Variants in TBC1D19 observed in about 807,000 individuals in gnomAD.
The protein encoded by TBC1D19 is TBC1 domain family, member 19.
A neutral mutation model predicts 89.0 loss-of-function variants in TBC1D19; 60 were observed. The observed-to-expected ratio is 0.67, with a 90% confidence interval of 0.55 to 0.84. The LOEUF is 0.84. TBC1D19 is among the 40% of genes least tolerant of loss of function. The pLI is 0.00. For missense variants in TBC1D19, 500 were observed against 610.8 expected, an observed-to-expected ratio of 0.82 and a Z score of 1.91; for synonymous variants, 189 against 199.7, an observed-to-expected ratio of 0.95 and a Z score of 0.45.
chr4:26,849,984 G>C, the TBC1D19 span, among the ~76,000 whole-genome samples: 1 of 152,034 alleles, frequency 6.6e-6, no homozygotes, highest in African/African-American at 2.4e-5. Flanking sequence ...CATTTGATTG[G>C]CTGCTATATG....
At chr4:26,721,192 C>T (rs1238796824) in intron 15 of TBC1D19, among the ~76,000 whole-genome samples, 1 of 152,012 alleles carries the variant, frequency 6.6e-6, no homozygotes, top group Non-Finnish European at 1.5e-5. Flanking sequence ...GTTCGTACCT[C>T]TCCCATAACT....
intron 18 of TBC1D19, among the ~76,000 whole-genome samples, chr4:26,745,821 C>G (rs527669415): frequency 6.6e-6 from 1 of 151,864 alleles, no homozygotes; most frequent in Non-Finnish European, 1.5e-5. Context: ...CAATATACTT[C>G]TTTAATTAAT....
chr4:26,809,831 C>T, the TBC1D19 span, among the ~76,000 whole-genome samples: 1 of 152,218 alleles, frequency 6.6e-6, no homozygotes, highest in Non-Finnish European at 1.5e-5. Context: ...TCCATTACCC[C>T]CTTGAGCATG....
At chr4:26,724,725 T>A (rs1232347442) in intron 15 of TBC1D19, among the ~76,000 whole-genome samples, 1 of 152,194 alleles carries the variant, frequency 6.6e-6, no homozygotes, top group Non-Finnish European at 1.5e-5. Flanking sequence ...AGCCTTCACT[T>A]CCTGCTTGCA....
At chr4:26,638,057 G>A (rs1171804344) in intron 5 of TBC1D19, among the ~76,000 whole-genome samples, 1 of 152,120 alleles carries the variant, frequency 6.6e-6, no homozygotes, top group Non-Finnish European at 1.5e-5. Flanking sequence ...TGTAGAACTG[G>A]AATTCTATTT....
chr4:26,583,859 C>T (rs548806140), upstream of TBC1D19: 1 of 305,604 alleles, frequency 3.3e-6, no homozygotes, highest in African/African-American at 2.2e-5. Context: ...CACAATTCTC[C>T]GTGTCCCCCT....
chr4:26,620,521 G>T, intron 3 of TBC1D19, 92 bp from the exon 4 acceptor site: 1 of 1,029,204 alleles, frequency 9.7e-7, no homozygotes, highest in East Asian at 2.4e-5. Context: ...AAATGTTACT[G>T]GGAAAACAGT....
At chr4:26,808,741 A>AAAAAAG in the TBC1D19 span, among the ~76,000 whole-genome samples, 2 of 150,388 alleles carry the variant, frequency 1.3e-5, no homozygotes, top group African/African-American at 2.4e-5. Flanking sequence ...AAAAAAAAAA[A>AAAAAAG]AAAAAGAAAA....
At chr4:26,802,108 G>T in the TBC1D19 span, among the ~76,000 whole-genome samples, 1 of 151,992 alleles carries the variant, frequency 6.6e-6, no homozygotes, top group Non-Finnish European at 1.5e-5. Flanking sequence ...AGGAACAAAA[G>T]CTTCAAAACC....
At chr4:26,618,629 A>G (rs901774134) in intron 3 of TBC1D19, among the ~76,000 whole-genome samples, 2 of 152,182 alleles carry the variant, frequency 1.3e-5, no homozygotes, top group African/African-American at 4.8e-5. Context: ...TCAAATTTGC[A>G]TTTTATTCAT....
chr4:26,742,641 C>G, intron 18 of TBC1D19, 42 bp downstream of exon 18: 1 of 1,547,586 alleles, frequency 6.5e-7, no homozygotes, highest in East Asian at 2.3e-5. Flanking sequence ...GATAGTTTCA[C>G]AGAAAGCTCT....
intron 1 of TBC1D19, among the ~76,000 whole-genome samples, chr4:26,589,586 C>A (rs1299394848): frequency 6.6e-6 from 1 of 152,172 alleles, no homozygotes; most frequent in Admixed American, 6.5e-5. Context: ...GTTCCATCCC[C>A]TTATCCCTTT....
the TBC1D19 span, among the ~76,000 whole-genome samples, chr4:26,762,379 C>T: frequency 6.6e-6 from 1 of 151,994 alleles, no homozygotes. Context: ...AAACTTTTTT[C>T]TTAGATATGT....
At chr4:26,677,177 C>G (rs1712894279) in intron 11 of TBC1D19, among the ~76,000 whole-genome samples, 1 of 152,174 alleles carries the variant, frequency 6.6e-6, no homozygotes, top group African/African-American at 2.4e-5. Flanking sequence ...GATAATTATA[C>G]TACTCAATAA....
the TBC1D19 span, among the ~76,000 whole-genome samples, chr4:26,857,134 C>T: frequency 0.039 from 6,000 of 152,254 alleles, 407 homozygotes; most frequent in African/African-American, 0.14. Context: ...ACTTCTATTC[C>T]TAGTGCTTTA....
intron 11 of TBC1D19, among the ~76,000 whole-genome samples, chr4:26,674,268 A>G (rs766834702): frequency 1.2e-4 from 18 of 152,148 alleles, no homozygotes; most frequent in Non-Finnish European, 2.6e-4. Flanking sequence ...CTTTGTCCCT[A>G]TAGGTACTTT....
chr4:26,691,795 A>AGGCAT (rs1341141755), intron 13 of TBC1D19, among the ~76,000 whole-genome samples: 3 of 152,212 alleles, frequency 2.0e-5, no homozygotes, highest in African/African-American at 7.2e-5. Flanking sequence ...GTATGCCTAT[A>AGGCAT]TAAATAAAAT....
intron 1 of TBC1D19, among the ~76,000 whole-genome samples, chr4:26,599,732 G>A (rs1212380662): frequency 6.6e-6 from 1 of 152,042 alleles, no homozygotes; most frequent in Non-Finnish European, 1.5e-5. Context: ...GGTTGCCTGA[G>A]CTCAGGAGTT....
At chr4:26,637,839 T>C (rs559756997) in intron 5 of TBC1D19, among the ~76,000 whole-genome samples, 2 of 152,322 alleles carry the variant, frequency 1.3e-5, no homozygotes, top group African/African-American at 2.4e-5. Context: ...GTAGTACAGA[T>C]GAGTTAGACA....
Sources: allele counts gnomAD v4.1 joint callset (sites outside exome capture counted in the v4.1 genomes callset), GRCh38; gene constraint gnomAD v4.1.1; transcripts MANE v1.5; gene names NCBI Gene and HGNC (gene_info 2026-07-23, HGNC 2026-07-21).